The following ITGA11 variants were observed in gnomAD, a reference collection of about 807,000 sequenced individuals.
ITGA11 encodes the protein integrin subunit alpha 11.
Under a neutral mutation model 141.9 loss-of-function variants are expected in ITGA11, and 97 were observed. The observed-to-expected ratio is 0.68, with a 90% confidence interval of 0.58 to 0.81. The LOEUF (loss-of-function observed/expected upper bound fraction) is 0.81, where lower values mean the gene tolerates loss of function less well. ITGA11 is among the 30% of genes least tolerant of loss of function. ITGA11 has a pLI of 0.00. For synonymous variants in ITGA11, 658 were observed against 624.6 expected (o/e 1.05, Z -0.80); for missense variants, 1,387 against 1,559.2 (o/e 0.89, Z 1.86).
intron 2 of ITGA11, among the ~76,000 whole-genome samples, chr15:68,387,948 C>T (rs1233470192): frequency 6.6e-6 from 1 of 152,168 alleles, no homozygotes; most frequent in Non-Finnish European, 1.5e-5. Context: ...GCTTCCTTCT[C>T]CCTGCTGAAT....
intron 3 of ITGA11, among the ~76,000 whole-genome samples, chr15:68,367,121 T>A (rs1041368106): frequency 5.3e-5 from 8 of 152,082 alleles, no homozygotes; most frequent in African/African-American, 1.9e-4. Context: ...CCATCCCAAC[T>A]CACTTTGCTA....
Position 68,304,941 on chromosome 15 carries a change from C to T in ITGA11, c.3382-1056G>A, listed in dbSNP as rs551174338. Among the ~76,000 whole-genome samples, 5 of 152,254 alleles carry T rather than the reference C, an allele frequency of 3.3e-5. No individual in the cohort carries two copies. The highest frequency in any genetic ancestry group is 2.0e-4 in the Admixed American group (3 of 15,288). On this transcript the variant is annotated intron_variant, in intron 28 of 29. Coordinates refer to ENST00000315757, the MANE Select transcript of ITGA11 (RefSeq NM_001004439.2). The surrounding 1 kb of genome is among the most constrained non-coding windows in gnomAD (Gnocchi z 6.1). ...CTCCTCTGGAGACTACAGCGCTGCC[C>T]GACTGCCTCCCCTCTGCAGTTTGTT...
intron 2 of ITGA11, among the ~76,000 whole-genome samples, chr15:68,376,100 A>G (rs1176025945): frequency 6.6e-6 from 1 of 152,166 alleles, no homozygotes; most frequent in Non-Finnish European, 1.5e-5. Flanking sequence ...AAGCATGAGG[A>G]GTGTTTATAT....
At chr15:68,388,274 C>T (rs1896033213) in intron 2 of ITGA11, among the ~76,000 whole-genome samples, 1 of 152,112 alleles carries the variant, frequency 6.6e-6, no homozygotes, top group Middle Eastern at 3.2e-3. Flanking sequence ...CTCAAGCATG[C>T]TCCTACTTCA....
chr15:68,371,568 A>C (rs974683611), intron 2 of ITGA11, among the ~76,000 whole-genome samples: 1 of 152,066 alleles, frequency 6.6e-6, no homozygotes, highest in African/African-American at 2.4e-5. Flanking sequence ...TACAAAAAAA[A>C]GTAGCTGGGC....
rs1480684017 is a variant in ITGA11, at chr15:68,339,609, G to A, written c.1167C>T (p.Asp389=). ...TCTCCTTTAGCACAGCTCCATTCCA[G>A]TCATAGGCACCGACGGCTCCCAGCA... is the stretch of plus-strand genomic sequence containing the variant. ...GVLLGAVGAY[D]WNGAVLKETS... The change falls in exon 11 of 30, where the codon GAC becomes GAT. Residue 389 remains aspartate (D), a synonymous_variant. Coordinates refer to ENST00000315757, the MANE Select transcript of ITGA11 (RefSeq NM_001004439.2). 2 of 1,613,960 alleles carry A rather than the reference G, an allele frequency of 1.2e-6. No homozygotes were observed. Among genetic ancestry groups the A allele is most frequent in the South Asian group, 1.1e-5 (1 of 91,080 alleles).
chr15:68,388,614 C>T (rs1257225242), intron 2 of ITGA11, among the ~76,000 whole-genome samples: 3 of 152,186 alleles, frequency 2.0e-5, no homozygotes, highest in South Asian at 4.1e-4. Context: ...ATTACAGGTA[C>T]TCAAGAAGTA....
Position 68,322,899 on chromosome 15 carries a change from A to G in ITGA11, c.2323-1396T>C, listed in dbSNP as rs1893857444. On this transcript the variant is annotated intron_variant, in intron 18 of 29. Coordinates refer to ENST00000315757, the MANE Select transcript of ITGA11 (RefSeq NM_001004439.2). This position sits in a 1 kb window ranked among gnomAD's most constrained non-coding sequence, Gnocchi z 5.6. ...AAAGTAGGGGTTAAGTGAGAAGTTCAGTGTGCGGCATGTTGAGTTTGAAGT... is the reference window on the plus strand; with the variant it reads ...AAAGTAGGGGTTAAGTGAGAAGTTCGGTGTGCGGCATGTTGAGTTTGAAGT... Among the ~76,000 whole-genome samples, 1 of 149,936 alleles carries G rather than the reference A, an allele frequency of 6.7e-6. No homozygotes were observed. Among genetic ancestry groups the G allele is most frequent in the South Asian group, 2.1e-4 (1 of 4,800 alleles).
intron 10 of ITGA11, among the ~76,000 whole-genome samples, chr15:68,342,332 T>C (rs1894596949): frequency 1.3e-5 from 2 of 152,208 alleles, no homozygotes; most frequent in African/African-American, 4.8e-5. Context: ...TCCCACCAGA[T>C]ATTACCAGGG....
rs554692009 is a variant in ITGA11, at chr15:68,386,956, C to T, written c.164+15962G>A. Among the ~76,000 whole-genome samples, 186 of 152,178 alleles carry T rather than the reference C, an allele frequency of 1.2e-3. 2 individuals are homozygous for T. Among genetic ancestry groups the T allele is most frequent in the Admixed American group, 0.011 (162 of 15,296 alleles). On this transcript the variant is annotated intron_variant, in intron 2 of 29. Coordinates refer to ENST00000315757, the MANE Select transcript of ITGA11 (RefSeq NM_001004439.2). ...CCCTTCGCCTTGGCCGCCCCCTCAC[C>T]CCCTATCTCACCCATGTCTATCAGA... is the stretch of plus-strand genomic sequence containing the variant.
chr15:68,356,261 A>G (rs1895066970), intron 7 of ITGA11, among the ~76,000 whole-genome samples: 1 of 150,244 alleles, frequency 6.7e-6, no homozygotes, highest in Non-Finnish European at 1.5e-5. Flanking sequence ...ATGCCCGGCT[A>G]ATTTGTTTTT....
chr15:68,396,893 A>C (rs1312759627), intron 2 of ITGA11, among the ~76,000 whole-genome samples: 1 of 119,776 alleles, frequency 8.3e-6, no homozygotes, highest in Non-Finnish European at 1.6e-5. Context: ...TAACATATTT[A>C]TTACAATATG....
At chr15:68,410,328 G>C (rs1316757481) in intron 1 of ITGA11, among the ~76,000 whole-genome samples, 2 of 152,218 alleles carry the variant, frequency 1.3e-5, no homozygotes. Context: ...TTTCCTTGGA[G>C]GGAGGGCGCT....
At position 68,432,140 on chromosome 15, in the gene ITGA11, G is replaced by A. The variant is rs767297569; in HGVS notation, c.-74C>T. The A allele has an allele frequency of 3.4e-6, 4 of 1,172,038 alleles. No homozygotes were observed. The highest frequency in any genetic ancestry group is 3.2e-5 in the African/African-American group (2 of 61,710). The allele number at this position is 1,172,038 out of a possible 1,614,324, so 72.6% of individuals were successfully genotyped here. A position where few individuals can be genotyped will look rare whatever the true frequency, so the allele number is the denominator to read the frequency against. On this transcript the variant is annotated 5_prime_UTR_variant, in exon 1 of 30. Coordinates refer to ENST00000315757, the MANE Select transcript of ITGA11 (RefSeq NM_001004439.2). ...GGCAAGCCAGAGCGGCAGCCTCCTC[G>A]GCGCGGCGCCTGCAGCCTGCACTGC...
In ITGA11 at chr15:68,336,015, A is replaced by G. The variant is rs571380181; in HGVS notation, c.1277-170T>C. ...CCATAATTCCTAGGGGCAGCTGGGG[A>G]GGCCTGGAAGAGGCAGGACCCAGGA... is the stretch of plus-strand genomic sequence containing the variant. On this transcript the variant is annotated intron_variant, in intron 11 of 29. Coordinates refer to ENST00000315757, the MANE Select transcript of ITGA11 (RefSeq NM_001004439.2). 87 of 781,908 alleles carry G rather than the reference A, an allele frequency of 1.1e-4. 1 individual carries two copies. In the South Asian group the frequency reaches 1.5e-3, roughly 14 times the overall value. The allele number at this position is 781,908 out of a possible 1,614,324, so 48.4% of individuals were successfully genotyped here. A position where few individuals can be genotyped will look rare whatever the true frequency, so the allele number is the denominator to read the frequency against.
chr15:68,339,719 G>A (rs529166492), intron 10 of ITGA11, 75 bp from the exon 11 acceptor site: 8 of 1,561,282 alleles, frequency 5.1e-6, no homozygotes, highest in South Asian at 4.5e-5. Context: ...CAGGTCCTAT[G>A]ACCAGTGACG....
chr15:68,356,546 G>A (rs1895075268), intron 7 of ITGA11, among the ~76,000 whole-genome samples: 2 of 152,208 alleles, frequency 1.3e-5, no homozygotes, highest in African/African-American at 2.4e-5. Flanking sequence ...CTTATAGAGT[G>A]TCTGTGGCAG....
At chr15:68,365,122 C>T (rs1895377169) in intron 3 of ITGA11, 2 of 984,354 alleles carry the variant, frequency 2.0e-6, no homozygotes. Context: ...CCCGTGTGCC[C>T]CCAAGCATGC....
At chr15:68,414,665 G>A (rs890980811) in intron 1 of ITGA11, among the ~76,000 whole-genome samples, 4 of 152,184 alleles carry the variant, frequency 2.6e-5, no homozygotes, top group South Asian at 2.1e-4. Flanking sequence ...CAGAGGGGAG[G>A]AGCAGGCAGA....
Sources: gnomAD v4.1 joint callset for allele counts (sites outside exome capture counted in the v4.1 genomes callset) on GRCh38, gnomAD v4.1.1 for gene constraint, Gnocchi (gnomAD v3.1) non-coding constraint, MANE v1.5 for transcripts, NCBI Gene and HGNC (gene_info 2026-07-23, HGNC 2026-07-21) for gene names.